The following SDK1 variants were observed in gnomAD, a reference collection of about 807,000 sequenced individuals.
SDK1 encodes the protein sidekick cell adhesion molecule 1.
SDK1 carries 157 observed loss-of-function variants against 245.5 expected under a neutral mutation model. That is an observed-to-expected ratio of 0.64 (90% CI 0.56 to 0.73). The LOEUF is 0.73. Ranked by LOEUF, SDK1 falls within the 30% of genes least tolerant of loss-of-function variation. SDK1 has a pLI of 0.00. For synonymous variants in SDK1, 1,647 were observed against 1,278.5 expected (o/e 1.29, Z -6.15); for missense variants, 3,583 against 3,002.3 (o/e 1.19, Z -4.52).
At chr7:3,702,317 G>T (rs2115008560) in intron 4 of SDK1, among the ~76,000 whole-genome samples, 1 of 152,234 alleles carries the variant, frequency 6.6e-6, no homozygotes, top group East Asian at 1.9e-4. Context: ...CAAAAGACGA[G>T]ACATTTTACT....
At chr7:4,262,487 A>G (rs1583199158) in intron 44 of SDK1, among the ~76,000 whole-genome samples, 1 of 150,080 alleles carries the variant, frequency 6.7e-6, no homozygotes, top group East Asian at 2.0e-4. Flanking sequence ...CCTCAAAGGG[A>G]CTGATCTTCA....
intron 17 of SDK1, among the ~76,000 whole-genome samples, chr7:4,043,725 A>AT (rs894295629): frequency 1.3e-5 from 2 of 151,936 alleles, no homozygotes; most frequent in African/African-American, 4.8e-5. Context: ...AATTATGCAA[A>AT]TTTTTTTGTT....
Position 3,579,262 on chromosome 7 carries a change from G to A in SDK1, c.299-39818G>A, listed in dbSNP as rs138582801. Among the ~76,000 whole-genome samples the A allele has an allele frequency of 5.4e-3, 828 of 152,216 alleles. 12 individuals are homozygous for A. Among genetic ancestry groups the A allele is most frequent in the South Asian group, 0.018 (87 of 4,824 alleles). ...ACTTTAGCCAATATCCTTGATGAAC[G>A]TTGATGGAAATATCTGCAACAAAAT... On this transcript the variant is annotated intron_variant, in intron 1 of 44. Transcript: ENST00000404826.
chr7:3,584,156 A>G, intron 1 of SDK1, among the ~76,000 whole-genome samples: 1 of 152,186 alleles, frequency 6.6e-6, no homozygotes. Context: ...CTGTGCTTAT[A>G]TGAATTTGGG....
intron 4 of SDK1, among the ~76,000 whole-genome samples, chr7:3,728,052 G>A (rs1217101721): frequency 6.6e-6 from 1 of 152,190 alleles, no homozygotes; most frequent in East Asian, 1.9e-4. Context: ...TCAGTTGGAT[G>A]TTTCTGATGT....
chr7:3,733,913 C>G (rs1419039891), intron 4 of SDK1, among the ~76,000 whole-genome samples: 1 of 150,908 alleles, frequency 6.6e-6, no homozygotes, highest in Non-Finnish European at 1.5e-5. Context: ...CTGCCCAGAG[C>G]TACTGACCGA....
intron 1 of SDK1, among the ~76,000 whole-genome samples, chr7:3,351,285 A>G (rs1362258179): frequency 6.6e-6 from 1 of 152,216 alleles, no homozygotes; most frequent in Non-Finnish European, 1.5e-5. Flanking sequence ...TGAGACATAT[A>G]AATAATAAAA....
chr7:4,158,660 G>A (rs1780924583), intron 31 of SDK1, 109 bp downstream of exon 31: 8 of 712,776 alleles, frequency 1.1e-5, no homozygotes, highest in South Asian at 9.9e-5. Context: ...GGGAGTGGTG[G>A]AAAGCAGTAG....
At chr7:4,167,166 G>A (rs1781548257) in intron 32 of SDK1, among the ~76,000 whole-genome samples, 1 of 152,306 alleles carries the variant, frequency 6.6e-6, no homozygotes, top group South Asian at 2.1e-4. Context: ...GGCTGAGGCG[G>A]GCAGATCACG....
chr7:3,809,776 C>T (rs1203282512), intron 4 of SDK1, among the ~76,000 whole-genome samples: 2 of 152,194 alleles, frequency 1.3e-5, no homozygotes, highest in Non-Finnish European at 2.9e-5. Flanking sequence ...AGGGTCAAGT[C>T]CTCTGCCTGG....
intron 4 of SDK1, among the ~76,000 whole-genome samples, chr7:3,740,301 C>G (rs980343769): frequency 6.6e-6 from 1 of 152,186 alleles, no homozygotes; most frequent in African/African-American, 2.4e-5. Flanking sequence ...TGTGTGTGAC[C>G]TTCTGAATTT....
chr7:4,034,694 C>G (rs1443898624), intron 17 of SDK1, among the ~76,000 whole-genome samples: 1 of 152,106 alleles, frequency 6.6e-6, no homozygotes, highest in Non-Finnish European at 1.5e-5. Flanking sequence ...AATGAACTTG[C>G]AGACAAATGA....
At chr7:3,875,561 G>T (rs950935712) in intron 5 of SDK1, among the ~76,000 whole-genome samples, 1 of 152,164 alleles carries the variant, frequency 6.6e-6, no homozygotes, top group African/African-American at 2.4e-5. Context: ...TGTGGTAGGC[G>T]TCCCCTCTTT....
At chr7:3,766,964 T>C (rs902325798) in intron 4 of SDK1, among the ~76,000 whole-genome samples, 31 of 152,208 alleles carry the variant, frequency 2.0e-4, no homozygotes, top group African/African-American at 7.0e-4. Flanking sequence ...ATATAGAGCA[T>C]TGGGTTTTCG....
At chr7:3,482,729 C>A (rs1398493581) in intron 1 of SDK1, among the ~76,000 whole-genome samples, 1 of 152,188 alleles carries the variant, frequency 6.6e-6, no homozygotes, top group Non-Finnish European at 1.5e-5. Context: ...AAAACAAATA[C>A]AACTCCTCTC....
intron 4 of SDK1, among the ~76,000 whole-genome samples, chr7:3,694,297 C>T (rs1583314961): frequency 6.6e-6 from 1 of 152,110 alleles, no homozygotes; most frequent in African/African-American, 2.4e-5. Context: ...CACTTCCCCT[C>T]CTAGGTTGGG....
At chr7:3,708,801 A>G (rs935492883) in intron 4 of SDK1, among the ~76,000 whole-genome samples, 1 of 152,258 alleles carries the variant, frequency 6.6e-6, no homozygotes, top group Non-Finnish European at 1.5e-5. Flanking sequence ...TTACATGTCA[A>G]GTGAGTCTCT....
intron 1 of SDK1, among the ~76,000 whole-genome samples, chr7:3,316,918 G>A (rs1348270757): frequency 6.6e-6 from 1 of 152,020 alleles, no homozygotes; most frequent in African/African-American, 2.4e-5. Flanking sequence ...TGTGGCTCAT[G>A]CCTATAATTT....
At chr7:3,838,841 C>T (rs1780088966) in intron 5 of SDK1, among the ~76,000 whole-genome samples, 1 of 152,154 alleles carries the variant, frequency 6.6e-6, no homozygotes, top group Non-Finnish European at 1.5e-5. Context: ...TTTAATATAA[C>T]CAAGTCTCTA....
Sources: allele counts gnomAD v4.1 joint callset (sites outside exome capture counted in the v4.1 genomes callset), GRCh38; gene constraint gnomAD v4.1.1; transcripts MANE v1.5; gene names NCBI Gene and HGNC (gene_info 2026-07-23, HGNC 2026-07-21).